Variants in LIN28B observed in about 807,000 individuals in gnomAD.
The protein encoded by LIN28B is lin-28 RNA binding posttranscriptional regulator B.
In LIN28B, 5 loss-of-function variants were observed where a neutral mutation model predicts 21.9. That is an observed-to-expected ratio of 0.23 (90% CI 0.12 to 0.48). The LOEUF is 0.48. Among genes scored for constraint, LIN28B ranks in the 20% least tolerant of loss-of-function variants. LIN28B has a pLI of 0.98. For synonymous variants in LIN28B, 109 were observed against 111.3 expected (o/e 0.98, Z 0.13); for missense variants, 245 against 310.5 (o/e 0.79, Z 1.58).
At chr6:104,984,494 C>T (rs978097335) in intron 2 of LIN28B, among the ~76,000 whole-genome samples, 8 of 151,166 alleles carry the variant, frequency 5.3e-5, no homozygotes, top group African/African-American at 1.9e-4. Flanking sequence ...CTCACTGTGT[C>T]ACCCAGCCTG....
chr6:104,985,695 C>T lies in LIN28B; in HGVS notation c.198+27409C>T, dbSNP rs577070408. 3.3e-5 allele frequency among the ~76,000 whole-genome samples: 5 copies of T among 152,006 alleles called. No homozygotes were observed. In the South Asian group the frequency reaches 6.2e-4, roughly 19 times the overall value. ...TCTTTTACAGGTAGTGTTCTTATGT[C>T]GTGTTTAAGACATCTTTGTCTACCT... On this transcript the variant is annotated intron_variant, in intron 2 of 3. Transcript: ENST00000345080.
At chr6:104,997,897 A>G (rs1431628679) in intron 2 of LIN28B, among the ~76,000 whole-genome samples, 1 of 152,072 alleles carries the variant, frequency 6.6e-6, no homozygotes, top group African/African-American at 2.4e-5. Context: ...TGCCTTTTTG[A>G]TGAGCTTGTC....
intron 3 of LIN28B, among the ~76,000 whole-genome samples, chr6:105,053,729 G>A (rs1481143932): frequency 1.3e-5 from 2 of 151,844 alleles, no homozygotes; most frequent in East Asian, 1.9e-4. Flanking sequence ...GTGTGTGTGT[G>A]TGTGTGTGTG....
Position 105,034,362 on chromosome 6 carries a change from T to C in LIN28B, c.383+7880T>C, listed in dbSNP as rs183019314. Among the ~76,000 whole-genome samples, 3 of 152,112 alleles carry C rather than the reference T, an allele frequency of 2.0e-5. No homozygotes were observed. In the East Asian group the frequency reaches 5.8e-4, roughly 29 times the overall value. ...TTATTTCATTTTGTTCAATATTTAG[T>C]TTTTATAACTACGTTAGTATGAGTA... On this transcript the variant is annotated intron_variant, in intron 3 of 3. Coordinates refer to ENST00000345080, the MANE Select transcript of LIN28B (RefSeq NM_001004317.4).
chr6:105,043,764 A>G (rs1343136807), intron 3 of LIN28B, among the ~76,000 whole-genome samples: 1 of 151,864 alleles, frequency 6.6e-6, no homozygotes, highest in East Asian at 1.9e-4. Flanking sequence ...TATTTTTAGT[A>G]GAGATGGGGT....
intron 2 of LIN28B, among the ~76,000 whole-genome samples, chr6:104,959,849 A>G (rs915316192): frequency 1.3e-5 from 2 of 152,132 alleles, no homozygotes; most frequent in Non-Finnish European, 2.9e-5. Context: ...TGTTTTATAG[A>G]TGAATGAAAA....
chr6:105,048,210 T>G (rs1446003005), intron 3 of LIN28B, among the ~76,000 whole-genome samples: 12 of 152,228 alleles, frequency 7.9e-5, no homozygotes, highest in Non-Finnish European at 1.6e-4. Flanking sequence ...CCTAATTTAT[T>G]GATAGTTTTT....
intron 2 of LIN28B, among the ~76,000 whole-genome samples, chr6:105,002,153 G>A (rs920514466): frequency 6.7e-6 from 1 of 150,028 alleles, no homozygotes; most frequent in East Asian, 2.0e-4. Flanking sequence ...AGCACTTGAA[G>A]AGATTCTCTG....
chr6:105,000,733 A>T lies in LIN28B; in HGVS notation c.199-25565A>T, dbSNP rs929343113. ...TAACCTAGAATAATAATCACTAAAT[A>T]TAAGATTTACTATATGCCAGTTGTT... On this transcript the variant is annotated intron_variant, in intron 2 of 3. Transcript: ENST00000345080. Among the ~76,000 whole-genome samples the T allele has an allele frequency of 7.9e-5, 12 of 152,078 alleles. 1 individual carries two copies. Among genetic ancestry groups the T allele is most frequent in the Admixed American group, 6.5e-5 (1 of 15,280 alleles).
At chr6:105,031,795 A>G (rs965558074) in intron 3 of LIN28B, among the ~76,000 whole-genome samples, 1 of 152,152 alleles carries the variant, frequency 6.6e-6, no homozygotes, top group African/African-American at 2.4e-5. Flanking sequence ...TTGGCCTCCC[A>G]AAGTGAAAAT....
chr6:104,963,737 T>G (rs963392107), intron 2 of LIN28B, among the ~76,000 whole-genome samples: 2 of 152,202 alleles, frequency 1.3e-5, no homozygotes, highest in Non-Finnish European at 2.9e-5. Flanking sequence ...CATTGACACA[T>G]CATAATCACA....
At chr6:104,947,815 C>A (rs753026822) in intron 2 of LIN28B, among the ~76,000 whole-genome samples, 79 of 149,244 alleles carry the variant, frequency 5.3e-4, no homozygotes, top group Non-Finnish European at 9.5e-4. Context: ...AATAATCAAC[C>A]TCGGTACAGG....
intron 2 of LIN28B, among the ~76,000 whole-genome samples, chr6:104,963,947 TA>T (rs1448680816): frequency 6.6e-6 from 1 of 152,224 alleles, no homozygotes; most frequent in Non-Finnish European, 1.5e-5. Flanking sequence ...TAACTTATCT[TA>T]GAGTTCTTAG....
At chr6:105,030,801 G>A (rs1197452322) in intron 3 of LIN28B, among the ~76,000 whole-genome samples, 2 of 151,702 alleles carry the variant, frequency 1.3e-5, no homozygotes, top group African/African-American at 2.4e-5. Flanking sequence ...TCACCATGTT[G>A]GCCAGGCTGG....
Position 104,992,741 on chromosome 6 carries a change from C to T in LIN28B, c.199-33557C>T, listed in dbSNP as rs11156432. Among the ~76,000 whole-genome samples, 5 of 151,886 alleles carry T rather than the reference C, an allele frequency of 3.3e-5. No homozygotes were observed. In the South Asian group the frequency reaches 1.0e-3, roughly 32 times the overall value. On this transcript the variant is annotated intron_variant, in intron 2 of 3. Transcript: ENST00000345080. ...CCCAGGCTGGTTTTGAACTCCTGTG[C>T]TCAAGTGGTCCTCCTACCTTGGCCT...
intron 2 of LIN28B, among the ~76,000 whole-genome samples, chr6:105,018,582 A>G (rs190719013): frequency 6.6e-6 from 1 of 152,256 alleles, no homozygotes; most frequent in Admixed American, 6.5e-5. Context: ...TATTCATTTC[A>G]TAATTTTTCT....
chr6:105,021,633 TTG>T (rs1391024154), intron 2 of LIN28B, among the ~76,000 whole-genome samples: 2 of 152,188 alleles, frequency 1.3e-5, no homozygotes, highest in Non-Finnish European at 2.9e-5. Context: ...TGTTGGCCAT[TTG>T]TATGTCTTAT....
intron 1 of LIN28B, 62 bp from the exon 2 acceptor site, chr6:104,958,037 T>C (rs192256707): frequency 4.1e-6 from 5 of 1,221,656 alleles, no homozygotes; most frequent in Admixed American, 5.7e-5. Flanking sequence ...TTTTTTTTTT[T>C]AATCTTTGAA....
rs1348006943 is a variant in LIN28B at position 105,059,599 on chromosome 6, TTAGA to T, written c.384-18812_384-18809del. On this transcript the variant is annotated intron_variant, in intron 3 of 3. Coordinates refer to ENST00000345080, the MANE Select transcript of LIN28B (RefSeq NM_001004317.4). ...TTAGTAAGATTTGACAAAAAATTGA[TTAGA>T]TAAAGGGAAATTGAACTGTGCAGTA... Among the ~76,000 whole-genome samples, 3 of 152,306 alleles carry T rather than the reference TTAGA, an allele frequency of 2.0e-5. 1 individual carries two copies. The highest frequency in any genetic ancestry group is 4.1e-4 in the South Asian group (2 of 4,826).
Sources: gnomAD v4.1 joint callset for allele counts (sites outside exome capture counted in the v4.1 genomes callset) on GRCh38, gnomAD v4.1.1 for gene constraint, MANE v1.5 for transcripts, NCBI Gene and HGNC (gene_info 2026-07-23, HGNC 2026-07-21) for gene names.